The following TRAPPC3 variants were observed in gnomAD, a reference collection of about 807,000 sequenced individuals.
The protein encoded by TRAPPC3 is trafficking protein particle complex subunit 3.
Under a neutral mutation model 18.2 loss-of-function variants are expected in TRAPPC3, and 5 were observed. The ratio of observed to expected loss-of-function variants is 0.28; its 90% CI spans 0.14 to 0.58. The LOEUF is 0.58. Ranked by LOEUF, TRAPPC3 falls within the 20% of genes least tolerant of loss-of-function variation. TRAPPC3 has a pLI of 0.91. For missense variants in TRAPPC3, 176 were observed against 225.9 expected (o/e 0.78, Z 1.41); for synonymous variants, 65 against 84.2 (o/e 0.77, Z 1.25).
intron 1 of TRAPPC3, among the ~76,000 whole-genome samples, chr1:36,141,728 G>T (rs913719772): frequency 6.6e-6 from 1 of 152,084 alleles, no homozygotes; most frequent in African/African-American, 2.4e-5. Context: ...GGAAGTCCGA[G>T]GCGGGCGGAT....
upstream of TRAPPC3, chr1:36,149,501 G>A: frequency 1.5e-6 from 2 of 1,327,064 alleles, no homozygotes; most frequent in Non-Finnish European, 2.1e-6. Flanking sequence ...CACTGCGCCT[G>A]CGCGGCCTCC....
At chr1:36,154,048 A>C (rs552134654), upstream of TRAPPC3, among the ~76,000 whole-genome samples, 6 of 152,220 alleles carry the variant, frequency 3.9e-5, no homozygotes, top group East Asian at 1.2e-3. Context: ...TCTGTTGCTC[A>C]GGCTGAAGTG....
At chr1:36,143,614 C>T (rs376659351) in intron 1 of TRAPPC3, among the ~76,000 whole-genome samples, 69 of 152,286 alleles carry the variant, frequency 4.5e-4, no homozygotes, top group African/African-American at 1.6e-3. Context: ...ACCACATCTC[C>T]GCTACCACCA....
At chr1:36,152,617 T>A (rs1644279596), upstream of TRAPPC3, among the ~76,000 whole-genome samples, 2 of 150,888 alleles carry the variant, frequency 1.3e-5, no homozygotes, top group African/African-American at 2.4e-5. Flanking sequence ...GGCCAAAAAT[T>A]TCTTTAGTAT....
chr1:36,138,663 A>C (rs558358054), intron 3 of TRAPPC3, among the ~76,000 whole-genome samples: 1 of 152,208 alleles, frequency 6.6e-6, no homozygotes, highest in South Asian at 2.1e-4. Context: ...ATTTTACCTA[A>C]ATGTTCATGT....
intron 1 of TRAPPC3, among the ~76,000 whole-genome samples, chr1:36,145,712 A>T (rs1392676812): frequency 6.6e-6 from 1 of 152,214 alleles, no homozygotes; most frequent in Non-Finnish European, 1.5e-5. Flanking sequence ...TGCTAGCTTT[A>T]CATGCATTCT....
At chr1:36,146,890 G>C (rs1277661023) in intron 1 of TRAPPC3, among the ~76,000 whole-genome samples, 3 of 152,210 alleles carry the variant, frequency 2.0e-5, no homozygotes, top group Non-Finnish European at 4.4e-5. Context: ...TGGGGCTAAA[G>C]AAAAGTTTAT....
rs546034767 is a variant in TRAPPC3, at chr1:36,155,983, G to A, written c.-197C>T. ...CCGTGGAGCCCGCTCGGCCGTGGCCGTGGGAGAGGCGCCGGGAGGCTGCGG... is the reference window on the plus strand; with the variant it reads ...CCGTGGAGCCCGCTCGGCCGTGGCCATGGGAGAGGCGCCGGGAGGCTGCGG... On this transcript the variant is annotated 5_prime_UTR_variant, in exon 1 of 5. Coordinates refer to the TRAPPC3 transcript ENST00000617904. 1,107 of 156,178 alleles carry A rather than the reference G, an allele frequency of 7.1e-3. 7 individuals are homozygous for A. The highest frequency in any genetic ancestry group is 0.025 in the African/African-American group (1,034 of 41,556). 9.7% of individuals were successfully genotyped at this position (156,178 alleles called of 1,614,324 possible). A position where few individuals can be genotyped will look rare whatever the true frequency, so the allele number is the denominator to read the frequency against.
upstream of TRAPPC3, chr1:36,149,548 G>T: frequency 1.3e-6 from 1 of 770,316 alleles, no homozygotes; most frequent in Non-Finnish European, 2.1e-6. Context: ...CGGCCGACGT[G>T]GGCAACTCCC....
intron 1 of TRAPPC3, among the ~76,000 whole-genome samples, chr1:36,146,135 G>A (rs528140349): frequency 4.6e-5 from 7 of 151,676 alleles, no homozygotes; most frequent in Middle Eastern, 3.4e-3. Context: ...CGGGAGTGCC[G>A]TGGTGCCATT....
intron 1 of TRAPPC3, chr1:36,149,130 C>A: frequency 6.9e-7 from 1 of 1,450,744 alleles, no homozygotes. Flanking sequence ...TGCACTCAGG[C>A]CTTGGGGGCG....
At chr1:36,143,712 T>A (rs1370204927) in intron 1 of TRAPPC3, among the ~76,000 whole-genome samples, 1 of 152,166 alleles carries the variant, frequency 6.6e-6, no homozygotes, top group East Asian at 1.9e-4. Context: ...ATATTATTCA[T>A]CCCCATTTTA....
At chr1:36,140,042 G>A (rs772791960) in intron 2 of TRAPPC3, 27 bp downstream of exon 2, 12 of 1,561,620 alleles carry the variant, frequency 7.7e-6, no homozygotes, top group East Asian at 2.2e-5. Context: ...CCCCATTTCT[G>A]TCTCTCCTAT....
In TRAPPC3 at chr1:36,149,420, C is replaced by T; in HGVS notation, c.-42G>A. 1 of 1,609,250 alleles carries T rather than the reference C, an allele frequency of 6.2e-7. No homozygotes were observed. Among genetic ancestry groups the T allele is most frequent in the Non-Finnish European group, 8.5e-7 (1 of 1,178,760 alleles). Reference sequence around the variant, plus strand: ...CCCCACTCGCCTAGCCACGGGTTAGCTCGGCGACCCCTGCAGACGCCGGAG... The same window carrying T: ...CCCCACTCGCCTAGCCACGGGTTAGTTCGGCGACCCCTGCAGACGCCGGAG... On this transcript the variant is annotated 5_prime_UTR_variant, in exon 1 of 5. Coordinates refer to ENST00000373166, the MANE Select transcript of TRAPPC3 (RefSeq NM_014408.5).
intron 1 of TRAPPC3, 57 bp from the exon 2 acceptor site, chr1:36,140,223 G>T: frequency 8.8e-7 from 1 of 1,142,304 alleles, no homozygotes; most frequent in Non-Finnish European, 1.2e-6. Context: ...AAAGCGTGGT[G>T]AGAGTCTGGA....
At chr1:36,139,944 G>A in intron 2 of TRAPPC3, 125 bp from the exon 3 acceptor site, 1 of 1,494,778 alleles carries the variant, frequency 6.7e-7, no homozygotes, top group Non-Finnish European at 9.0e-7. Context: ...TGAGTTTAGT[G>A]AGAAATGTAC....
At position 36,139,716 on chromosome 1, in the gene TRAPPC3, T is replaced by C. The variant is rs772607778; in HGVS notation, c.240+4A>G. On this transcript the variant is annotated splice_donor_region_variant and intron_variant, in intron 3 of 4. Coordinates refer to ENST00000373166, the MANE Select transcript of TRAPPC3 (RefSeq NM_014408.5). ...AGCATGGACAGGTGGCCCAGAATAA[T>C]GACCTTGGCAATGACATCCGCAGTT... 31 of 1,613,974 alleles carry C rather than the reference T, an allele frequency of 1.9e-5. No individual in the cohort carries two copies. Among genetic ancestry groups the C allele is most frequent in the Non-Finnish European group, 2.6e-5 (31 of 1,180,018 alleles).
rs192287975 is a variant in TRAPPC3 at position 36,144,372 on chromosome 1, T to A, written c.43-4206A>T. 1.5e-3 allele frequency among the ~76,000 whole-genome samples: 225 copies of A among 148,876 alleles called. 1 individual carries two copies. The highest frequency in any genetic ancestry group is 5.0e-3 in the African/African-American group (201 of 40,206). On this transcript the variant is annotated intron_variant, in intron 1 of 4. Coordinates refer to ENST00000373166, the MANE Select transcript of TRAPPC3 (RefSeq NM_014408.5). ...ATATAAACAACTTTCTGGCTGGGCA[T>A]GGTGGCTCATGCCTATAATCCCAGC... is the stretch of plus-strand genomic sequence containing the variant.
At chr1:36,146,373 T>C (rs1208416907) in intron 1 of TRAPPC3, among the ~76,000 whole-genome samples, 1 of 150,860 alleles carries the variant, frequency 6.6e-6, no homozygotes, top group African/African-American at 2.4e-5. Flanking sequence ...CTCAGCTCAC[T>C]GCAAGCTCCG....
Sources: gnomAD v4.1 joint callset for allele counts (sites outside exome capture counted in the v4.1 genomes callset) on GRCh38, gnomAD v4.1.1 for gene constraint, MANE v1.5 for transcripts, NCBI Gene and HGNC (gene_info 2026-07-23, HGNC 2026-07-21) for gene names.